Variants in SPOCK3 observed in about 807,000 individuals in gnomAD.
SPOCK3 encodes SPARC (osteonectin), cwcv and kazal like domains proteoglycan 3.
In SPOCK3, 30 loss-of-function variants were observed where a neutral mutation model predicts 56.6. The ratio of observed to expected loss-of-function variants is 0.53; its 90% confidence interval spans 0.40 to 0.72. The LOEUF (loss-of-function observed/expected upper bound fraction) is 0.72. SPOCK3 is among the 30% of genes least tolerant of loss of function. The pLI, the probability that SPOCK3 is intolerant of heterozygous loss-of-function variation, is 0.00. For synonymous variants in SPOCK3, 196 were observed against 183.3 expected (o/e 1.07, Z -0.56); for missense variants, 527 against 530.0 (o/e 0.99, Z 0.06).
intron 2 of SPOCK3, among the ~76,000 whole-genome samples, chr4:167,128,994 G>A (rs909825985): frequency 3.3e-5 from 5 of 152,170 alleles, no homozygotes; most frequent in Admixed American, 3.3e-4. Context: ...CCCTGAGAGT[G>A]TACTGTGTTC....
chr4:167,047,065 A>C (rs1305994273), intron 3 of SPOCK3, among the ~76,000 whole-genome samples: 2 of 152,184 alleles, frequency 1.3e-5, no homozygotes, highest in African/African-American at 4.8e-5. Context: ...TCAATCAAGA[A>C]GGCATATTAA....
At chr4:166,964,802 T>G (rs756938480) in intron 4 of SPOCK3, among the ~76,000 whole-genome samples, 4 of 151,882 alleles carry the variant, frequency 2.6e-5, no homozygotes, top group East Asian at 3.9e-4. Context: ...GGACCTCTCT[T>G]TCATAAGGAA....
intron 6 of SPOCK3, among the ~76,000 whole-genome samples, chr4:166,855,744 T>G (rs547311359): frequency 6.6e-6 from 1 of 152,286 alleles, no homozygotes; most frequent in East Asian, 1.9e-4. Flanking sequence ...AAACACAAAT[T>G]TCTGGACCCC....
intron 7 of SPOCK3, among the ~76,000 whole-genome samples, chr4:166,789,395 C>G (rs1741089495): frequency 6.6e-6 from 1 of 152,074 alleles, no homozygotes; most frequent in Admixed American, 6.6e-5. Flanking sequence ...CGCCATTGCA[C>G]TCTAGCCTGG....
At chr4:167,205,180 TATAG>T (rs1412546663) in intron 2 of SPOCK3, among the ~76,000 whole-genome samples, 2 of 110,302 alleles carry the variant, frequency 1.8e-5, no homozygotes, top group African/African-American at 7.1e-5. Context: ...TATTATATAT[TATAG>T]ATATTTTATA....
intron 3 of SPOCK3, among the ~76,000 whole-genome samples, chr4:167,036,343 C>T (rs577590026): frequency 1.3e-5 from 2 of 152,258 alleles, no homozygotes; most frequent in South Asian, 2.1e-4. Flanking sequence ...AGTTTCTTCT[C>T]CTTCATGGAT....
chr4:167,149,515 A>T (rs1341242496), intron 2 of SPOCK3, among the ~76,000 whole-genome samples: 2 of 152,122 alleles, frequency 1.3e-5, no homozygotes, highest in Non-Finnish European at 2.9e-5. Context: ...TGCTTTGAAG[A>T]AAATATAGAT....
At chr4:167,222,492 C>A (rs7672075) in intron 2 of SPOCK3, among the ~76,000 whole-genome samples, 13 of 143,084 alleles carry the variant, frequency 9.1e-5, no homozygotes, top group Non-Finnish European at 4.6e-5. Flanking sequence ...ATATATATTA[C>A]ATATGAATAT....
At chr4:166,775,618 T>A (rs1579193472) in intron 7 of SPOCK3, among the ~76,000 whole-genome samples, 1 of 152,116 alleles carries the variant, frequency 6.6e-6, no homozygotes, top group Admixed American at 6.6e-5. Context: ...AAGGTAATGA[T>A]TACAGCTAGA....
chr4:166,996,775 T>C (rs2010146), intron 4 of SPOCK3, among the ~76,000 whole-genome samples: 140,694 of 152,176 alleles, frequency 0.92, 65,630 homozygotes, highest in East Asian at 0.99. Context: ...ACACCATCCT[T>C]TACACCGGCA....
At chr4:167,156,019 T>C (rs1234153500) in intron 2 of SPOCK3, among the ~76,000 whole-genome samples, 1 of 151,920 alleles carries the variant, frequency 6.6e-6, no homozygotes, top group African/African-American at 2.4e-5. Flanking sequence ...AAAAAAAAAG[T>C]TGTTCTAGCA....
intron 2 of SPOCK3, among the ~76,000 whole-genome samples, chr4:167,097,857 T>TGCA (rs1759297264): frequency 6.6e-6 from 1 of 152,032 alleles, no homozygotes; most frequent in Admixed American, 6.6e-5. Context: ...TGGAATACCA[T>TGCA]GCAGCCATAG....
At chr4:167,172,678 G>A (rs1580512060) in intron 2 of SPOCK3, among the ~76,000 whole-genome samples, 1 of 152,016 alleles carries the variant, frequency 6.6e-6, no homozygotes, top group African/African-American at 2.4e-5. Flanking sequence ...TAAATTGGTT[G>A]TGACTTATAA....
intron 2 of SPOCK3, among the ~76,000 whole-genome samples, chr4:167,157,221 T>C (rs1764887500): frequency 6.6e-6 from 1 of 152,118 alleles, no homozygotes; most frequent in Admixed American, 6.6e-5. Flanking sequence ...TTAGCTATTA[T>C]ATTTTTGAGA....
intron 6 of SPOCK3, among the ~76,000 whole-genome samples, chr4:166,850,756 C>T (rs528893728): frequency 8.5e-5 from 13 of 152,334 alleles, no homozygotes; most frequent in South Asian, 4.1e-4. Context: ...TGCGCTTTTC[C>T]GACGGGCTTA....
chr4:166,763,148 T>C (rs529891838), intron 7 of SPOCK3, among the ~76,000 whole-genome samples: 8 of 150,516 alleles, frequency 5.3e-5, no homozygotes, highest in African/African-American at 1.9e-4. Flanking sequence ...AAAAAAACTT[T>C]AAAAGTAGCC....
At chr4:167,104,179 C>A (rs1409679756) in intron 2 of SPOCK3, among the ~76,000 whole-genome samples, 2 of 152,144 alleles carry the variant, frequency 1.3e-5, no homozygotes, top group Admixed American at 6.6e-5. Context: ...CAGACACCAA[C>A]AAACGTCAAC....
intron 2 of SPOCK3, chr4:167,102,520 C>G (rs1052894605): frequency 6.6e-6 from 1 of 152,298 alleles, no homozygotes; most frequent in African/African-American, 2.4e-5. Flanking sequence ...CCTCCCCCAT[C>G]CTCAAGCAGT....
At chr4:167,065,937 G>A (rs779682324) in intron 2 of SPOCK3, among the ~76,000 whole-genome samples, 1 of 151,798 alleles carries the variant, frequency 6.6e-6, no homozygotes, top group Non-Finnish European at 1.5e-5. Flanking sequence ...AATCCTGAAT[G>A]TTTCAAGAGG....
Sources: gnomAD v4.1 joint callset for allele counts (sites outside exome capture counted in the v4.1 genomes callset) on GRCh38, gnomAD v4.1.1 for gene constraint, MANE v1.5 for transcripts, NCBI Gene and HGNC (gene_info 2026-07-23, HGNC 2026-07-21) for gene names.